SLC24A3: variants seen among roughly 807,000 people sequenced by gnomAD.
The protein encoded by SLC24A3 is solute carrier family 24 member 3.
SLC24A3 carries 28 observed loss-of-function variants against 75.8 expected under a neutral mutation model. The observed-to-expected ratio is 0.37, with a 90% confidence interval of 0.27 to 0.51. SLC24A3 has a LOEUF of 0.51. Among genes scored for constraint, SLC24A3 ranks in the 20% least tolerant of loss-of-function variants. The pLI, the probability that SLC24A3 is intolerant of heterozygous loss-of-function variation, is 0.94. For missense variants in SLC24A3, 663 were observed against 847.8 expected, an observed-to-expected ratio of 0.78 and a Z score of 2.71; for synonymous variants, 372 against 334.1, an observed-to-expected ratio of 1.11 and a Z score of -1.24.
At chr20:19,687,697 G>A (rs2032694205) in intron 12 of SLC24A3, among the ~76,000 whole-genome samples, 1 of 152,220 alleles carries the variant, frequency 6.6e-6, no homozygotes, top group African/African-American at 2.4e-5. Context: ...TGTGTGAGAT[G>A]AGACCAAGTC....
intron 2 of SLC24A3, among the ~76,000 whole-genome samples, chr20:19,423,300 T>G (rs964836213): frequency 1.3e-5 from 2 of 152,200 alleles, no homozygotes; most frequent in Non-Finnish European, 2.9e-5. Context: ...TAGCTTTTCC[T>G]GCTTTCCCGC....
intron 1 of SLC24A3, among the ~76,000 whole-genome samples, chr20:19,245,030 A>G (rs574856148): frequency 1.3e-5 from 2 of 152,334 alleles, no homozygotes; most frequent in Admixed American, 1.3e-4. Flanking sequence ...CCCTGCCATG[A>G]AAGAGGAGCC....
intron 2 of SLC24A3, among the ~76,000 whole-genome samples, chr20:19,400,540 C>T (rs1986533708): frequency 6.6e-6 from 1 of 152,158 alleles, no homozygotes; most frequent in Non-Finnish European, 1.5e-5. Context: ...CAGGTAGGCT[C>T]TTCATCTGTA....
At chr20:19,628,821 G>A (rs1227635541) in intron 6 of SLC24A3, among the ~76,000 whole-genome samples, 3 of 152,162 alleles carry the variant, frequency 2.0e-5, no homozygotes, top group African/African-American at 7.2e-5. Context: ...TGCAACCGCT[G>A]GGAAGATTTG....
chr20:19,553,761 T>A (rs1275956302), intron 3 of SLC24A3, among the ~76,000 whole-genome samples: 2 of 151,992 alleles, frequency 1.3e-5, no homozygotes, highest in Non-Finnish European at 1.5e-5. Context: ...TGCATTGGAG[T>A]GTACAGGTGT....
At chr20:19,404,766 A>G (rs1475969983) in intron 2 of SLC24A3, among the ~76,000 whole-genome samples, 3 of 152,172 alleles carry the variant, frequency 2.0e-5, no homozygotes, top group African/African-American at 7.2e-5. Context: ...AGCTCCTCAC[A>G]AGAGCTTGGC....
At chr20:19,277,962 G>T (rs908560163) in intron 1 of SLC24A3, among the ~76,000 whole-genome samples, 3 of 152,166 alleles carry the variant, frequency 2.0e-5, no homozygotes, top group Middle Eastern at 3.2e-3. Context: ...GAATGGCCAC[G>T]CTGCTGGCCA....
intron 4 of SLC24A3, 55 bp downstream of exon 4, chr20:19,580,129 C>A (rs1434619649): frequency 1.6e-5 from 24 of 1,498,506 alleles, no homozygotes; most frequent in Middle Eastern, 1.8e-4. Flanking sequence ...TGGACCTGTG[C>A]CCTGTACTGT....
At chr20:19,680,870 T>C (rs978572621) in intron 9 of SLC24A3, among the ~76,000 whole-genome samples, 18 of 152,156 alleles carry the variant, frequency 1.2e-4, no homozygotes, top group African/African-American at 4.3e-4. Context: ...AAGAGAAACA[T>C]AGGTTGAGTG....
At chr20:19,706,667 G>T (rs893321889) in intron 15 of SLC24A3, among the ~76,000 whole-genome samples, 6 of 152,074 alleles carry the variant, frequency 3.9e-5, no homozygotes, top group African/African-American at 1.4e-4. Context: ...CAGAGAAGCT[G>T]CATGGTAAAG....
chr20:19,679,107 C>T (rs566530301), intron 9 of SLC24A3, among the ~76,000 whole-genome samples: 3 of 152,170 alleles, frequency 2.0e-5, no homozygotes, highest in South Asian at 4.2e-4. Flanking sequence ...GGGTGGCGGC[C>T]GGGCAGAGGC....
At chr20:19,519,618 A>G (rs1056255646) in intron 3 of SLC24A3, among the ~76,000 whole-genome samples, 4 of 152,204 alleles carry the variant, frequency 2.6e-5, no homozygotes, top group Admixed American at 6.5e-5. Flanking sequence ...TTGTCTTAGA[A>G]CTTGCTTTAT....
intron 3 of SLC24A3, among the ~76,000 whole-genome samples, chr20:19,525,837 G>A (rs117168452): frequency 0.015 from 2,292 of 152,222 alleles, 32 homozygotes; most frequent in Non-Finnish European, 0.019. Context: ...CAGACTCCCC[G>A]TGAGTCTTCT....
chr20:19,659,552 G>T (rs139560464), intron 7 of SLC24A3, among the ~76,000 whole-genome samples: 18 of 152,194 alleles, frequency 1.2e-4, no homozygotes, highest in Admixed American at 1.2e-3. Flanking sequence ...CTCAGCAGGG[G>T]ACTGTGTTGG....
At chr20:19,281,551 T>G (rs2122224773) in intron 2 of SLC24A3, among the ~76,000 whole-genome samples, 1 of 152,332 alleles carries the variant, frequency 6.6e-6, no homozygotes, top group East Asian at 1.9e-4. Flanking sequence ...ATTAATTTAT[T>G]GGTTGTGAGA....
intron 5 of SLC24A3, 50 bp downstream of exon 5, chr20:19,585,105 A>G (rs753569442): frequency 2.6e-6 from 4 of 1,525,844 alleles, no homozygotes; most frequent in Non-Finnish European, 3.6e-6. Flanking sequence ...CTGAAGGAAA[A>G]GGGCTCTGGG....
At chr20:19,528,348 C>T (rs2030237047) in intron 3 of SLC24A3, among the ~76,000 whole-genome samples, 1 of 152,140 alleles carries the variant, frequency 6.6e-6, no homozygotes, top group South Asian at 2.1e-4. Context: ...AGGTTGGTGC[C>T]CATTTTCCCA....
intron 1 of SLC24A3, chr20:19,266,108 G>A (rs554892182): frequency 1.3e-5 from 2 of 152,298 alleles, no homozygotes; most frequent in African/African-American, 4.8e-5. Context: ...TTTCCCAGTG[G>A]AGTTTTATTG....
intron 2 of SLC24A3, among the ~76,000 whole-genome samples, chr20:19,327,819 A>C (rs959908766): frequency 1.3e-5 from 2 of 152,150 alleles, no homozygotes; most frequent in African/African-American, 4.8e-5. Flanking sequence ...TTTATTGGAC[A>C]CCCACTGTGT....
Sources: gnomAD v4.1 joint callset for allele counts (sites outside exome capture counted in the v4.1 genomes callset) on GRCh38, gnomAD v4.1.1 for gene constraint, MANE v1.5 for transcripts, NCBI Gene and HGNC (gene_info 2026-07-23, HGNC 2026-07-21) for gene names.